Variants in TRMT9B observed in about 807,000 individuals in gnomAD.
TRMT9B encodes tRNA methyltransferase 9B (putative).
In TRMT9B, 16 loss-of-function variants were observed where a neutral mutation model predicts 11.5. The observed-to-expected ratio is 1.39, with a 90% CI of 0.94 to 2.11. The LOEUF (loss-of-function observed/expected upper bound fraction) is 2.11, where lower values mean the gene tolerates loss of function less well. Among genes scored for constraint, TRMT9B ranks in the 30% most tolerant of loss-of-function variants. The probability of loss-of-function intolerance (pLI) is 0.00; values close to 1 mark genes in which losing one functional copy is unlikely to be tolerated. For synonymous variants in TRMT9B, 274 were observed against 192.4 expected, an observed-to-expected ratio of 1.42 and a Z score of -3.51; for missense variants, 941 against 553.8, an observed-to-expected ratio of 1.70 and a Z score of -7.02.
At chr8:12,977,826 G>T (rs1804698716) in intron 1 of TRMT9B, among the ~76,000 whole-genome samples, 2 of 150,936 alleles carry the variant, frequency 1.3e-5, no homozygotes, top group Admixed American at 1.3e-4. Context: ...ACCAGCCTGG[G>T]CAATATAGCA....
At chr8:12,978,503 CAGATGATAGAT>C (rs35041348) in intron 1 of TRMT9B, among the ~76,000 whole-genome samples, 60,519 of 125,674 alleles carry the variant, frequency 0.48, 12,605 homozygotes, top group Admixed American at 0.56. Flanking sequence ...GAGAGATAGA[CAGATGATAGAT>C]AGATGATAGA....
chr8:13,003,474 T>C (rs1809837292), intron 2 of TRMT9B, among the ~76,000 whole-genome samples: 1 of 152,060 alleles, frequency 6.6e-6, no homozygotes, highest in Admixed American at 6.6e-5. Flanking sequence ...CAAGAATGAC[T>C]AGAATTTAGC....
intron 2 of TRMT9B, among the ~76,000 whole-genome samples, chr8:13,000,600 G>A (rs878942039): frequency 6.6e-6 from 1 of 152,140 alleles, no homozygotes; most frequent in Admixed American, 6.5e-5. Flanking sequence ...TCTCATTTAT[G>A]TTTTTGTCAT....
Position 12,994,062 on chromosome 8 carries a change from G to T in TRMT9B, c.-2+3031G>T, listed in dbSNP as rs114277982. 5.2e-3 allele frequency among the ~76,000 whole-genome samples: 790 copies of T among 152,304 alleles called. 11 individuals carry two copies. The highest frequency in any genetic ancestry group is 0.018 in the African/African-American group (754 of 41,572). On this transcript the variant is annotated intron_variant, in intron 2 of 4. Coordinates refer to ENST00000524591, the MANE Select transcript of TRMT9B (RefSeq NM_020844.3). ...ATAACTGTCCGAGACTGGATCATGTGCCCACCCCACTGCCACAGTCAATGT... is the reference window on the plus strand; with the variant it reads ...ATAACTGTCCGAGACTGGATCATGTTCCCACCCCACTGCCACAGTCAATGT...
At chr8:12,981,407 C>G (rs1585189954) in intron 1 of TRMT9B, among the ~76,000 whole-genome samples, 1 of 152,246 alleles carries the variant, frequency 6.6e-6, no homozygotes, top group East Asian at 1.9e-4. Context: ...AGGCGACATG[C>G]TCAGGTATTT....
intron 1 of TRMT9B, among the ~76,000 whole-genome samples, chr8:12,956,112 CTG>C (rs756362400): frequency 3.3e-5 from 5 of 152,234 alleles, no homozygotes; most frequent in Admixed American, 6.5e-5. Context: ...TGCAAGAACA[CTG>C]TGCCCAGAAC....
chr8:13,000,702 G>A (rs372013159), intron 2 of TRMT9B, among the ~76,000 whole-genome samples: 2 of 152,128 alleles, frequency 1.3e-5, no homozygotes, highest in African/African-American at 4.8e-5. Flanking sequence ...TTGAAAAGTA[G>A]CAATAAAGGT....
intron 2 of TRMT9B, among the ~76,000 whole-genome samples, chr8:13,000,572 G>T (rs1809237327): frequency 6.6e-6 from 1 of 152,178 alleles, no homozygotes. Flanking sequence ...AAAGTTAGTT[G>T]TATCTTTGTC....
At chr8:13,002,093 ACT>A in intron 2 of TRMT9B, among the ~76,000 whole-genome samples, 1 of 152,366 alleles carries the variant, frequency 6.6e-6, no homozygotes, top group Admixed American at 6.5e-5. Flanking sequence ...GATTTATATT[ACT>A]TATACACTTA....
intron 3 of TRMT9B, 167 bp downstream of exon 3, chr8:13,006,523 G>C (rs1810511545): frequency 9.7e-6 from 14 of 1,445,932 alleles, no homozygotes; most frequent in Non-Finnish European, 1.2e-5. Context: ...TTGAGCCTTT[G>C]CTTTTCACAT....
At chr8:12,989,586 A>G (rs536226159) in intron 1 of TRMT9B, among the ~76,000 whole-genome samples, 1 of 152,286 alleles carries the variant, frequency 6.6e-6, no homozygotes, top group African/African-American at 2.4e-5. Flanking sequence ...TTGGTGGCTT[A>G]TCTGAGGGGT....
At chr8:13,000,407 ACT>A (rs1025527916) in intron 2 of TRMT9B, among the ~76,000 whole-genome samples, 2 of 152,070 alleles carry the variant, frequency 1.3e-5, no homozygotes, top group African/African-American at 4.8e-5. Flanking sequence ...CAGGCCACTA[ACT>A]CTCCTGTTAG....
intron 2 of TRMT9B, among the ~76,000 whole-genome samples, chr8:13,003,369 G>A (rs1010347838): frequency 3.3e-5 from 5 of 152,140 alleles, no homozygotes; most frequent in African/African-American, 7.2e-5. Context: ...AGCCCAAAAC[G>A]GGACCTGCTC....
At chr8:12,984,443 A>C (rs1243728469) in intron 1 of TRMT9B, among the ~76,000 whole-genome samples, 1 of 152,214 alleles carries the variant, frequency 6.6e-6, no homozygotes, top group Non-Finnish European at 1.5e-5. Context: ...TTTATGGTTG[A>C]AAACCATGAT....
In TRMT9B at chr8:13,006,284, C is replaced by T. The variant is rs747391228; in HGVS notation, c.82C>T (p.Gln28Ter). ...CACAGCCCCTTACTTCAGCGACCTG[C>T]AGAGCAAAGCCTGGCCTCGTGTCCG... ...ESTAPYFSDLQSKAWPRVRQF... is the reference protein window; with the variant it reads ...ESTAPYFSDL Residue 28 changes from glutamine (Q) to a stop codon, truncating the protein, a stop_gained, in exon 3 of 5, where the codon CAG becomes TAG. Coordinates refer to ENST00000524591, the MANE Select transcript of TRMT9B (RefSeq NM_020844.3). LOFTEE classifies it high-confidence loss of function. The T allele has an allele frequency of 6.2e-7, 1 of 1,613,830 alleles. No homozygotes were observed. The highest frequency in any genetic ancestry group is 1.3e-5 in the African/African-American group (1 of 74,934).
chr8:12,959,430 C>G (rs182945831), intron 1 of TRMT9B, among the ~76,000 whole-genome samples: 11 of 151,248 alleles, frequency 7.3e-5, no homozygotes, highest in Admixed American at 2.6e-4. Flanking sequence ...TATGTCCATG[C>G]AAATATGCCA....
chr8:12,987,707 A>G (rs528892274), intron 1 of TRMT9B, among the ~76,000 whole-genome samples: 1 of 151,892 alleles, frequency 6.6e-6, no homozygotes, highest in African/African-American at 2.4e-5. Context: ...AAAAAAATGC[A>G]TTTAATACAA....
chr8:12,980,629 C>T (rs963572498), intron 1 of TRMT9B, among the ~76,000 whole-genome samples: 2 of 152,184 alleles, frequency 1.3e-5, no homozygotes, highest in African/African-American at 4.8e-5. Flanking sequence ...AATCACAGCA[C>T]TAGTGCCAAA....
intron 1 of TRMT9B, among the ~76,000 whole-genome samples, chr8:12,973,300 G>C (rs2947369): frequency 6.6e-6 from 1 of 151,742 alleles, no homozygotes; most frequent in Admixed American, 6.6e-5. Context: ...TCCCTTGCCA[G>C]CACATGCACA....
Sources: gnomAD v4.1 joint callset for allele counts (sites outside exome capture counted in the v4.1 genomes callset) on GRCh38, gnomAD v4.1.1 for gene constraint, MANE v1.5 for transcripts, NCBI Gene and HGNC (gene_info 2026-07-23, HGNC 2026-07-21) for gene names.